The following SLC5A11 variants were observed in gnomAD, a reference collection of about 807,000 sequenced individuals.
SLC5A11 encodes solute carrier family 5 member 11, also known as sodium/myo-inositol cotransporter 2.
In SLC5A11, 48 loss-of-function variants were observed where a neutral mutation model predicts 69.8. The observed-to-expected ratio is 0.69, with a 90% CI of 0.55 to 0.87. The LOEUF (loss-of-function observed/expected upper bound fraction) is 0.87, where lower values mean the gene tolerates loss of function less well. Ranked by LOEUF, SLC5A11 falls within the 40% of genes least tolerant of loss-of-function variation. The pLI is 0.00. For synonymous variants in SLC5A11, 319 were observed against 342.4 expected (o/e 0.93, Z 0.75); for missense variants, 784 against 866.1 (o/e 0.91, Z 1.19).
At chr16:24,910,842 AG>A (rs1195460444) in intron 15 of SLC5A11, among the ~76,000 whole-genome samples, 1 of 152,098 alleles carries the variant, frequency 6.6e-6, no homozygotes, top group Non-Finnish European at 1.5e-5. Context: ...GCCCACCTAC[AG>A]TTTCAACAAA....
chr16:24,854,806 C>T (rs1360939344), intron 1 of SLC5A11, among the ~76,000 whole-genome samples: 2 of 152,110 alleles, frequency 1.3e-5, no homozygotes, highest in Non-Finnish European at 2.9e-5. Flanking sequence ...CACAAGGGTC[C>T]CCTCACCCCC....
At chr16:24,851,358 C>T (rs1368461944) in intron 1 of SLC5A11, among the ~76,000 whole-genome samples, 3 of 149,514 alleles carry the variant, frequency 2.0e-5, no homozygotes, top group African/African-American at 4.9e-5. Flanking sequence ...ACTAAAAATA[C>T]AAAAAAAGAA....
At chr16:24,849,593 A>AAAAAAAATATATATAT in intron 1 of SLC5A11, among the ~76,000 whole-genome samples, 4 of 35,902 alleles carry the variant, frequency 1.1e-4, no homozygotes, top group African/African-American at 2.8e-4. Context: ...AAAAAAAAAA[A>AAAAAAAATATATATAT]ATATATATAT....
rs75887842 is a variant in SLC5A11 at position 24,891,237 on chromosome 16, C to T, written c.870+163C>T. Among the ~76,000 whole-genome samples the T allele has an allele frequency of 6.6e-3, 1,006 of 151,426 alleles. 10 individuals are homozygous for T. Among genetic ancestry groups the T allele is most frequent in the African/African-American group, 0.023 (958 of 41,230 alleles). On this transcript the variant is annotated intron_variant, in intron 9 of 15. Coordinates refer to ENST00000347898, the Ensembl canonical transcript of SLC5A11. Reference sequence around the variant, plus strand: ...CATTGCTCTACATGCTATTTTATTTCTTCCTCTGTGAATGGGAATGACAAA... The same window carrying T: ...CATTGCTCTACATGCTATTTTATTTTTTCCTCTGTGAATGGGAATGACAAA...
At chr16:24,847,611 C>T (rs1596892749) in intron 1 of SLC5A11, among the ~76,000 whole-genome samples, 3 of 152,292 alleles carry the variant, frequency 2.0e-5, no homozygotes, top group African/African-American at 4.8e-5. Context: ...CCGCCTCAGC[C>T]TTGCAAAGTG....
rs1384856022 is a variant in SLC5A11 at position 24,908,959 on chromosome 16, C to T, written c.1513C>T (p.Arg505Ter). Reference sequence around the variant, plus strand: ...CCTGGACTTTATTTACGTGCAGCCTCGATGCGACCAGCCAGATGAGCGCCC... The same window carrying T: ...CCTGGACTTTATTTACGTGCAGCCTTGATGCGACCAGCCAGATGAGCGCCC... The change falls in exon 14 of 16, where the codon CGA (arginine) becomes TGA (stop). Residue 505 changes from arginine to a stop codon, truncating the protein, a stop_gained. Transcript: ENST00000347898. LOFTEE classifies it high-confidence loss of function. 6.8e-6 allele frequency: 11 copies of T among 1,614,070 alleles called. No individual in the cohort carries two copies. The highest frequency in any genetic ancestry group is 1.7e-5 in the Admixed American group (1 of 60,024).
chr16:24,887,721 CT>C (rs1194204908), intron 8 of SLC5A11, among the ~76,000 whole-genome samples: 7 of 152,120 alleles, frequency 4.6e-5, no homozygotes, highest in Admixed American at 4.6e-4. Flanking sequence ...GCTGTTTGTT[CT>C]GTTTTTCTCT....
intron 15 of SLC5A11, among the ~76,000 whole-genome samples, chr16:24,911,105 G>T (rs1331691465): frequency 1.3e-5 from 2 of 148,960 alleles, no homozygotes; most frequent in African/African-American, 5.0e-5. Flanking sequence ...GGAGGTGGAG[G>T]TTGCAGTGAG....
chr16:24,850,505 G>A (rs371866639), intron 1 of SLC5A11, among the ~76,000 whole-genome samples: 1 of 152,234 alleles, frequency 6.6e-6, no homozygotes, highest in Non-Finnish European at 1.5e-5. Context: ...CTGCAGCCCA[G>A]GAGTGGTAGG....
At chr16:24,881,064 G>C (rs905897953) in intron 7 of SLC5A11, among the ~76,000 whole-genome samples, 1 of 151,930 alleles carries the variant, frequency 6.6e-6, no homozygotes, top group Non-Finnish European at 1.5e-5. Context: ...AAATTAGCCA[G>C]GCGTGGTGGC....
chr16:24,898,494 G>A (rs868529616), intron 10 of SLC5A11, among the ~76,000 whole-genome samples: 1 of 150,346 alleles, frequency 6.7e-6, no homozygotes, highest in Non-Finnish European at 1.5e-5. Context: ...GCAGGTGTGA[G>A]CCAACATGCC....
At chr16:24,870,063 CAG>C in intron 4 of SLC5A11, 58 bp downstream of exon 5, 1 of 1,253,996 alleles carries the variant, frequency 8.0e-7, no homozygotes, top group Non-Finnish European at 1.2e-6. Context: ...AGGTAGATCT[CAG>C]GGGAAAGTTG....
Position 24,847,191 on chromosome 16 carries a change from CTTTCT to C in SLC5A11, c.-25+757_-25+761del, listed in dbSNP as rs543846096. ...TTCTTTGTTCTTTCTTTCTTTCCTT[CTTTCT>C]TTTATTTCTTTCCTTATTCCTTTCT... On this transcript the variant is annotated intron_variant, in intron 1 of 15. Transcript: ENST00000347898. Among the ~76,000 whole-genome samples, 190 of 149,680 alleles carry C rather than the reference CTTTCT, an allele frequency of 1.3e-3. 6 individuals are homozygous for C. The South Asian group carries it at 0.037, about 29-fold the overall frequency.
At chr16:24,875,545 G>A in intron 5 of SLC5A11, 82 bp from the exon 7 acceptor site, 1 of 1,067,884 alleles carries the variant, frequency 9.4e-7, no homozygotes, top group Non-Finnish European at 1.4e-6. Flanking sequence ...GGGGGCAGGA[G>A]CAGATGGGAA....
intron 3 of SLC5A11, among the ~76,000 whole-genome samples, chr16:24,865,894 G>A (rs80253713): frequency 0.03 from 4,509 of 151,382 alleles, 216 homozygotes; most frequent in African/African-American, 0.1. Context: ...ATTGGTTTTC[G>A]ATTGTAACTC....
chr16:24,897,886 G>C, intron 9 of SLC5A11, 88 bp from the exon 11 acceptor site: 3 of 1,516,164 alleles, frequency 2.0e-6, no homozygotes, highest in Non-Finnish European at 2.7e-6. Flanking sequence ...GGGAATTATG[G>C]GAGCTACAAT....
intron 5 of SLC5A11, among the ~76,000 whole-genome samples, chr16:24,875,325 C>CA (rs1377576326): frequency 1.3e-5 from 2 of 152,190 alleles, no homozygotes; most frequent in Non-Finnish European, 2.9e-5. Flanking sequence ...GCTGGGACTA[C>CA]AGGCGCCTGT....
chr16:24,851,338 C>T (rs745373933), intron 1 of SLC5A11, among the ~76,000 whole-genome samples: 1 of 151,048 alleles, frequency 6.6e-6, no homozygotes, highest in South Asian at 2.1e-4. Context: ...CATGGTGAAA[C>T]CCCATGTCTA....
chr16:24,910,266 AC>A (rs759003968), intron 14 of SLC5A11, 39 bp from the exon 16 acceptor site: 10 of 1,601,928 alleles, frequency 6.2e-6, no homozygotes, highest in African/African-American at 1.3e-5. Context: ...CCCCGGCCCC[AC>A]CTCCACCACA....
Sources: allele counts gnomAD v4.1 joint callset (sites outside exome capture counted in the v4.1 genomes callset), GRCh38; gene constraint gnomAD v4.1.1; transcripts MANE v1.5; gene names NCBI Gene and HGNC (gene_info 2026-07-23, HGNC 2026-07-21).